Variants in MACROD2 observed in about 807,000 individuals in gnomAD.
The protein encoded by MACROD2 is ADP-ribose glycohydrolase MACROD2.
A neutral mutation model predicts 70.4 loss-of-function variants in MACROD2; 36 were observed. The ratio of observed to expected loss-of-function variants is 0.51; its 90% confidence interval spans 0.39 to 0.68. The LOEUF (loss-of-function observed/expected upper bound fraction) is 0.68. MACROD2 is among the 30% of genes least tolerant of loss of function. The pLI is 0.00. For synonymous variants in MACROD2, 172 were observed against 178.8 expected (o/e 0.96, Z 0.30); for missense variants, 496 against 538.4 (o/e 0.92, Z 0.78).
intron 5 of MACROD2, among the ~76,000 whole-genome samples, chr20:15,065,532 T>C (rs1177851700): frequency 6.6e-5 from 10 of 151,714 alleles, no homozygotes; most frequent in Non-Finnish European, 1.5e-4. Flanking sequence ...GCAGCGGCTG[T>C]AGTCCCAGCT....
intron 3 of MACROD2, among the ~76,000 whole-genome samples, chr20:14,233,528 TA>T (rs71190121): frequency 0.78 from 112,139 of 143,806 alleles, 44,853 homozygotes; most frequent in Non-Finnish European, 0.88. Context: ...CCGTCTCTAC[TA>T]AAAAAAAAAA....
At chr20:14,204,585 G>A (rs2081507706) in intron 3 of MACROD2, among the ~76,000 whole-genome samples, 1 of 152,210 alleles carries the variant, frequency 6.6e-6, no homozygotes, top group African/African-American at 2.4e-5. Flanking sequence ...GCCAATAAGG[G>A]TCTGCAATGG....
intron 6 of MACROD2, among the ~76,000 whole-genome samples, chr20:15,272,192 A>T (rs917256019): frequency 5.3e-5 from 8 of 152,240 alleles, no homozygotes; most frequent in African/African-American, 1.4e-4. Flanking sequence ...TTGTGTACAG[A>T]TGCATAAAAC....
chr20:14,906,461 T>C (rs1409534195), intron 5 of MACROD2, among the ~76,000 whole-genome samples: 1 of 152,066 alleles, frequency 6.6e-6, no homozygotes, highest in African/African-American at 2.4e-5. Flanking sequence ...GCCACTGCAC[T>C]CCAGCCTGGG....
intron 2 of MACROD2, among the ~76,000 whole-genome samples, 153 bp downstream of exon 2, chr20:14,002,557 G>A (rs745518042): frequency 1.3e-5 from 2 of 152,074 alleles, no homozygotes; most frequent in African/African-American, 2.4e-5. Context: ...AGTAACCTAC[G>A]GTGTTTTTTA....
chr20:14,453,354 CTAA>C (rs2084265349), intron 3 of MACROD2, among the ~76,000 whole-genome samples: 2 of 152,130 alleles, frequency 1.3e-5, no homozygotes, highest in African/African-American at 4.8e-5. Flanking sequence ...CTGTCATTTC[CTAA>C]TAACCCACAG....
At chr20:14,435,506 C>T (rs2084046167) in intron 3 of MACROD2, among the ~76,000 whole-genome samples, 1 of 152,106 alleles carries the variant, frequency 6.6e-6, no homozygotes, top group Non-Finnish European at 1.5e-5. Context: ...ATATAATATT[C>T]TCGACCAGAT....
chr20:14,602,249 T>C (rs2123407382), intron 4 of MACROD2, among the ~76,000 whole-genome samples: 1 of 152,330 alleles, frequency 6.6e-6, no homozygotes, highest in East Asian at 1.9e-4. Context: ...CTCCCTTGCA[T>C]GAGGCACAAA....
At position 15,729,663 on chromosome 20, in the gene MACROD2, G is replaced by T. The variant is rs573564387; in HGVS notation, c.646-133082G>T. Reference sequence around the variant, plus strand: ...TGTAGTGCCCTTCTTTGTCTTTTTTGATTGTTCTTGGTTTAAAGTCTGTTT... The same window carrying T: ...TGTAGTGCCCTTCTTTGTCTTTTTTTATTGTTCTTGGTTTAAAGTCTGTTT... On this transcript the variant is annotated intron_variant, in intron 8 of 17. Coordinates refer to ENST00000684519, the MANE Select transcript of MACROD2 (RefSeq NM_001351661.2). Among the ~76,000 whole-genome samples, 12 of 151,970 alleles carry T rather than the reference G, an allele frequency of 7.9e-5. No individual in the cohort carries two copies. In the East Asian group the frequency reaches 1.9e-3, roughly 24 times the overall value.
intron 4 of MACROD2, among the ~76,000 whole-genome samples, chr20:14,518,263 G>A (rs1392599868): frequency 6.6e-6 from 1 of 151,626 alleles, no homozygotes; most frequent in Non-Finnish European, 1.5e-5. Context: ...TTTTTTATAT[G>A]TATATTTGAA....
At chr20:14,046,024 T>C (rs1239890951) in intron 2 of MACROD2, among the ~76,000 whole-genome samples, 1 of 152,128 alleles carries the variant, frequency 6.6e-6, no homozygotes, top group African/African-American at 2.4e-5. Flanking sequence ...GTGTATGAAA[T>C]TGAAATTTCA....
chr20:14,594,660 A>G (rs1432420143), intron 4 of MACROD2, among the ~76,000 whole-genome samples: 1 of 152,222 alleles, frequency 6.6e-6, no homozygotes, highest in Admixed American at 6.5e-5. Flanking sequence ...CTGGGAGGCC[A>G]AGGCAGGCGG....
chr20:15,849,812 C>T (rs930890875), intron 8 of MACROD2, among the ~76,000 whole-genome samples: 6 of 152,032 alleles, frequency 3.9e-5, no homozygotes, highest in African/African-American at 7.2e-5. Flanking sequence ...AGCTGGATTG[C>T]GGGGTGACAT....
At chr20:14,559,502 C>T (rs901134941) in intron 4 of MACROD2, among the ~76,000 whole-genome samples, 1 of 151,576 alleles carries the variant, frequency 6.6e-6, no homozygotes, top group Non-Finnish European at 1.5e-5. Flanking sequence ...TGGTTATATA[C>T]TCGAATTCCT....
At chr20:15,983,817 GC>G (rs1167646499) in intron 13 of MACROD2, among the ~76,000 whole-genome samples, 1 of 152,254 alleles carries the variant, frequency 6.6e-6, no homozygotes, top group East Asian at 1.9e-4. Context: ...TTTCAACCAG[GC>G]ATTTGCATTC....
intron 2 of MACROD2, among the ~76,000 whole-genome samples, chr20:14,079,277 A>C (rs1031554153): frequency 6.6e-6 from 1 of 152,192 alleles, no homozygotes; most frequent in Non-Finnish European, 1.5e-5. Context: ...CATTGCTTAG[A>C]TACTTGTAGA....
chr20:14,138,084 T>A (rs901743489), intron 3 of MACROD2, among the ~76,000 whole-genome samples: 5 of 152,078 alleles, frequency 3.3e-5, no homozygotes, highest in Middle Eastern at 3.2e-3. Flanking sequence ...ATGGCTATTA[T>A]AAAGAAGAGA....
At chr20:14,496,146 TAAG>T (rs946942680) in intron 4 of MACROD2, among the ~76,000 whole-genome samples, 4 of 152,206 alleles carry the variant, frequency 2.6e-5, no homozygotes, top group South Asian at 2.1e-4. Flanking sequence ...AATCATCTAA[TAAG>T]AAGCGATTGA....
At chr20:15,645,293 T>C (rs889766905) in intron 8 of MACROD2, among the ~76,000 whole-genome samples, 1 of 152,144 alleles carries the variant, frequency 6.6e-6, no homozygotes, top group Non-Finnish European at 1.5e-5. Context: ...TCTCAATCTC[T>C]GTAGGGATGA....
Sources: gnomAD v4.1 joint callset for allele counts (sites outside exome capture counted in the v4.1 genomes callset) on GRCh38, gnomAD v4.1.1 for gene constraint, MANE v1.5 for transcripts, NCBI Gene and HGNC (gene_info 2026-07-23, HGNC 2026-07-21) for gene names.